Variants in ZC3H12B observed in about 807,000 individuals in gnomAD.
ZC3H12B encodes the protein probable ribonuclease ZC3H12B.
ZC3H12B carries 7 observed loss-of-function variants against 43.9 expected under a neutral mutation model. The ratio of observed to expected loss-of-function variants is 0.16; its 90% CI spans 0.09 to 0.30. The LOEUF is 0.30. ZC3H12B is among the 10% of genes least tolerant of loss of function. ZC3H12B has a pLI of 1.00. For synonymous variants in ZC3H12B, 222 were observed against 241.7 expected (o/e 0.92, Z 0.76); for missense variants, 475 against 670.2 (o/e 0.71, Z 3.22).
At chrX:65,052,932 CCAG>C in the ZC3H12B span, among the ~76,000 whole-genome samples, 6 of 111,726 alleles carry the variant, frequency 5.4e-5, no homozygotes, top group South Asian at 2.2e-3. Flanking sequence ...TACATCCTCA[CCAG>C]CATTTGTTAT....
chrX:65,149,864 A>G, the ZC3H12B span, among the ~76,000 whole-genome samples: 1 of 108,920 alleles, frequency 9.2e-6, no homozygotes, highest in African/African-American at 3.3e-5. Context: ...CCCTTGTATA[A>G]TGCTACTTAT....
At position 65,497,285 on chromosome X, in the gene ZC3H12B, TA is replaced by T; in HGVS notation, c.748+16del. 8.4e-7 allele frequency: 1 copy of T among 1,192,409 alleles called. No homozygotes were observed. Among genetic ancestry groups the T allele is most frequent in the Non-Finnish European group, 1.1e-6 (1 of 885,776 alleles). ...CACCAATTACAGGTATTGTGTCAAA[TA>T]AGACATTTCTTCTCATCTAGAGGCA... On this transcript the variant is annotated intron_variant, in intron 2 of 4. Coordinates refer to ENST00000338957, the Ensembl canonical transcript of ZC3H12B.
the ZC3H12B span, among the ~76,000 whole-genome samples, chrX:65,119,957 A>G: frequency 8.9e-6 from 1 of 111,744 alleles, no homozygotes; most frequent in Non-Finnish European, 1.9e-5. Flanking sequence ...AGATGGTTGT[A>G]GATAAGTGGC....
At chrX:65,327,228 G>T in the ZC3H12B span, among the ~76,000 whole-genome samples, 7 of 110,820 alleles carry the variant, frequency 6.3e-5, no homozygotes, top group African/African-American at 2.0e-4. Flanking sequence ...CACATGAATG[G>T]ATGAAGAAAA....
At chrX:65,035,257 T>G in the ZC3H12B span, among the ~76,000 whole-genome samples, 1 of 111,492 alleles carries the variant, frequency 9.0e-6, no homozygotes, top group African/African-American at 3.3e-5. Context: ...ACGGGGACCA[T>G]AGGAGAGTAG....
intron 3 of ZC3H12B, among the ~76,000 whole-genome samples, chrX:65,416,113 C>T (rs1457606126): frequency 9.0e-6 from 1 of 111,565 alleles, no homozygotes; most frequent in Non-Finnish European, 1.9e-5. Context: ...TAATTAACAC[C>T]CATGACCACA....
chrX:65,439,556 G>T (rs748566379), intron 3 of ZC3H12B, among the ~76,000 whole-genome samples: 50 of 111,790 alleles, frequency 4.5e-4, no homozygotes, highest in African/African-American at 1.5e-3. Context: ...GTTTTTGAGG[G>T]CAGTATGCCT....
chrX:65,244,015 A>G, the ZC3H12B span, among the ~76,000 whole-genome samples: 7 of 111,729 alleles, frequency 6.3e-5, no homozygotes, highest in Admixed American at 1.9e-4. Context: ...GTTAATGAGT[A>G]CAAAAATATA....
chrX:65,123,283 A>G, the ZC3H12B span, among the ~76,000 whole-genome samples: 1 of 111,518 alleles, frequency 9.0e-6, no homozygotes, highest in Non-Finnish European at 1.9e-5. Context: ...AGCTGACTTG[A>G]TCATAGTGGA....
chrX:65,300,788 A>G, the ZC3H12B span, among the ~76,000 whole-genome samples: 1 of 111,189 alleles, frequency 9.0e-6, no homozygotes, highest in African/African-American at 3.3e-5. Context: ...ACCGAACTAA[A>G]CAAAATTAGA....
At chrX:65,343,885 A>G in the ZC3H12B span, among the ~76,000 whole-genome samples, 3 of 111,917 alleles carry the variant, frequency 2.7e-5, no homozygotes, top group Admixed American at 1.9e-4. Flanking sequence ...AAGTCAAATG[A>G]TCCCTGTTTG....
intron 2 of ZC3H12B, among the ~76,000 whole-genome samples, chrX:65,385,676 A>T (rs939964271): frequency 9.0e-6 from 1 of 111,001 alleles, no homozygotes; most frequent in Non-Finnish European, 1.9e-5. Flanking sequence ...AAATTCCAAC[A>T]CTGTGTTGAA....
At chrX:65,172,003 A>T in the ZC3H12B span, among the ~76,000 whole-genome samples, 1 of 112,387 alleles carries the variant, frequency 8.9e-6, no homozygotes, top group Non-Finnish European at 1.9e-5. Flanking sequence ...GTGAGGCGAT[A>T]TCCCGCCCTG....
the ZC3H12B span, chrX:65,357,378 A>C: frequency 1.8e-5 from 4 of 225,506 alleles, no homozygotes; most frequent in East Asian, 5.0e-4. Context: ...GAAATGTTGC[A>C]CAAACACTAC....
the ZC3H12B span, among the ~76,000 whole-genome samples, chrX:65,254,141 C>A: frequency 8.9e-6 from 1 of 112,161 alleles, no homozygotes; most frequent in South Asian, 3.7e-4. Context: ...AGCACTCCAC[C>A]CCCCCACTGC....
chrX:65,493,988 G>C (rs2068242717), intron 1 of ZC3H12B, among the ~76,000 whole-genome samples: 1 of 110,648 alleles, frequency 9.0e-6, no homozygotes. Context: ...GATTCTTATT[G>C]GGCATTTGGT....
chrX:65,308,620 G>A, the ZC3H12B span, among the ~76,000 whole-genome samples: 1 of 111,498 alleles, frequency 9.0e-6, no homozygotes, highest in Non-Finnish European at 1.9e-5. Context: ...CTTGAACTCA[G>A]CTCTGCACCA....
At chrX:65,041,169 G>A in the ZC3H12B span, among the ~76,000 whole-genome samples, 1 of 112,412 alleles carries the variant, frequency 8.9e-6, no homozygotes, top group Non-Finnish European at 1.9e-5. Context: ...TAACCCTAAA[G>A]TCACTTTAAT....
At chrX:65,505,458 T>C (rs2038285) in exon 5 of ZC3H12B, 26,391 of 112,297 alleles carry the variant, frequency 0.24, 7,405 homozygotes, top group African/African-American at 0.81. Context: ...ATCTCCTATC[T>C]TCTGATCTTC....
Sources: gnomAD v4.1 joint callset for allele counts (sites outside exome capture counted in the v4.1 genomes callset) on GRCh38, gnomAD v4.1.1 for gene constraint, MANE v1.5 for transcripts, NCBI Gene and HGNC (gene_info 2026-07-23, HGNC 2026-07-21) for gene names.